The following PCCA variants were observed in gnomAD, a reference collection of about 807,000 sequenced individuals.
PCCA encodes propionyl-CoA carboxylase alpha chain, mitochondrial.
Under a neutral mutation model 101.3 loss-of-function variants are expected in PCCA, and 74 were observed. The observed-to-expected ratio is 0.73, with a 90% CI of 0.61 to 0.89. PCCA has a LOEUF of 0.89. PCCA is among the 40% of genes least tolerant of loss of function. PCCA has a pLI of 0.00. For synonymous variants in PCCA, 294 were observed against 313.6 expected (o/e 0.94, Z 0.66); for missense variants, 891 against 907.0 (o/e 0.98, Z 0.23).
chr13:100,190,102 A>G (rs978811238), intron 6 of PCCA, among the ~76,000 whole-genome samples: 2 of 152,162 alleles, frequency 1.3e-5, no homozygotes, highest in Non-Finnish European at 2.9e-5. Context: ...ATAGTTGAAA[A>G]TGTGTCATGA....
intron 7 of PCCA, among the ~76,000 whole-genome samples, chr13:100,229,535 C>T (rs1489215871): frequency 6.6e-6 from 1 of 152,236 alleles, no homozygotes; most frequent in Non-Finnish European, 1.5e-5. Context: ...TAAGTCATAG[C>T]CTGTTCCTCT....
chr13:100,386,575 G>C (rs986284633), intron 19 of PCCA, among the ~76,000 whole-genome samples: 2 of 152,172 alleles, frequency 1.3e-5, no homozygotes, highest in African/African-American at 2.4e-5. Flanking sequence ...TACAGACGTG[G>C]TTTCACTGTG....
At chr13:100,451,004 G>A (rs1377910759) in intron 21 of PCCA, among the ~76,000 whole-genome samples, 1 of 152,186 alleles carries the variant, frequency 6.6e-6, no homozygotes, top group Non-Finnish European at 1.5e-5. Context: ...AATTGTGGAG[G>A]CTTGGCAAGA....
intron 21 of PCCA, among the ~76,000 whole-genome samples, chr13:100,492,350 G>A (rs2084968083): frequency 6.6e-6 from 1 of 152,114 alleles, no homozygotes; most frequent in Admixed American, 6.5e-5. Flanking sequence ...TAGCCAGGAT[G>A]GTTTCGATCT....
intron 4 of PCCA, among the ~76,000 whole-genome samples, chr13:100,137,183 T>C (rs949320125): frequency 6.6e-6 from 1 of 152,204 alleles, no homozygotes; most frequent in Non-Finnish European, 1.5e-5. Flanking sequence ...CTGTTATTTA[T>C]TTCTAATACT....
chr13:100,198,725 C>A (rs1452793501), intron 6 of PCCA, among the ~76,000 whole-genome samples: 1 of 151,940 alleles, frequency 6.6e-6, no homozygotes, highest in East Asian at 1.9e-4. Flanking sequence ...TCTCAAACTC[C>A]TGACCTCAGG....
intron 1 of PCCA, among the ~76,000 whole-genome samples, chr13:100,101,833 C>T (rs2152246611): frequency 6.6e-6 from 1 of 152,242 alleles, no homozygotes; most frequent in East Asian, 1.9e-4. Flanking sequence ...AAACTCCTGA[C>T]CTCAGGTGAT....
At chr13:100,278,681 C>T (rs558477649) in intron 12 of PCCA, among the ~76,000 whole-genome samples, 5 of 151,992 alleles carry the variant, frequency 3.3e-5, no homozygotes, top group South Asian at 4.2e-4. Flanking sequence ...GGTTTCACCA[C>T]GTTGACCAGG....
At chr13:100,123,542 T>C (rs2049643424) in intron 4 of PCCA, among the ~76,000 whole-genome samples, 1 of 152,200 alleles carries the variant, frequency 6.6e-6, no homozygotes, top group African/African-American at 2.4e-5. Context: ...AGGACTTACA[T>C]GAGGACTTCT....
chr13:100,330,891 T>C (rs889169667), intron 17 of PCCA, among the ~76,000 whole-genome samples: 1 of 152,184 alleles, frequency 6.6e-6, no homozygotes, highest in African/African-American at 2.4e-5. Flanking sequence ...TTCAACCATG[T>C]GAATTGTTCT....
intron 21 of PCCA, among the ~76,000 whole-genome samples, chr13:100,454,812 T>G (rs1158643593): frequency 6.6e-6 from 1 of 152,218 alleles, no homozygotes; most frequent in Non-Finnish European, 1.5e-5. Context: ...TTCATTTCAT[T>G]TTTTATTCAC....
In PCCA at chr13:100,217,679, C is replaced by A. The variant is rs1487856514; in HGVS notation, c.600+8216C>A. ...ACCAGCCTGGCCAACATGGTGAAAC[C>A]CTGTCTCTACTAAAAATACAAAAAA... On this transcript the variant is annotated intron_variant, in intron 7 of 23. Coordinates refer to ENST00000376285, the MANE Select transcript of PCCA (RefSeq NM_000282.4). 4.0e-5 allele frequency among the ~76,000 whole-genome samples: 6 copies of A among 151,144 alleles called. No homozygotes were observed. In the East Asian group the frequency reaches 1.2e-3, roughly 29 times the overall value.
At chr13:100,294,560 C>T (rs1033486751) in intron 12 of PCCA, among the ~76,000 whole-genome samples, 2 of 152,072 alleles carry the variant, frequency 1.3e-5, no homozygotes, top group Non-Finnish European at 1.5e-5. Flanking sequence ...GACTTGACAC[C>T]GGTTAGTCTA....
intron 21 of PCCA, among the ~76,000 whole-genome samples, chr13:100,475,191 G>T (rs1384594185): frequency 6.6e-6 from 1 of 152,130 alleles, no homozygotes; most frequent in Non-Finnish European, 1.5e-5. Flanking sequence ...GGGATTATAG[G>T]TGCAAGCCAC....
intron 19 of PCCA, among the ~76,000 whole-genome samples, chr13:100,383,866 TAAG>T (rs753751304): frequency 1.3e-5 from 2 of 152,174 alleles, no homozygotes; most frequent in East Asian, 1.9e-4. Flanking sequence ...GGATGCATAA[TAAG>T]AAATAATTAT....
intron 21 of PCCA, among the ~76,000 whole-genome samples, chr13:100,488,634 T>A (rs2390432): frequency 1.6e-5 from 1 of 62,838 alleles, no homozygotes; most frequent in East Asian, 1.2e-3. Flanking sequence ...TTTTGTTTTG[T>A]TTTTTTTTTG....
rs780737604 is a variant in PCCA, at chr13:100,527,783, C to T, written c.2118+31C>T. On this transcript the variant is annotated intron_variant, in intron 23 of 23. Coordinates refer to ENST00000376285, the MANE Select transcript of PCCA (RefSeq NM_000282.4). ...TCCCTAAGTCCCCATCAGCCCAGGC[C>T]GGCCCTGTGATGGAGGAACGCCCAC... The T allele has an allele frequency of 3.6e-5, 55 of 1,528,542 alleles. No homozygotes were observed. In the East Asian group the frequency reaches 4.7e-4, roughly 13 times the overall value. 94.7% of individuals were successfully genotyped at this position (1,528,542 alleles called of 1,614,324 possible). A position where few individuals can be genotyped will look rare whatever the true frequency, so the allele number is the denominator to read the frequency against.
rs184079552 is a variant in PCCA, at chr13:100,364,875, A to G, written c.1644-3597A>G. Among the ~76,000 whole-genome samples the G allele has an allele frequency of 3.9e-5, 6 of 152,160 alleles. No homozygotes were observed. The East Asian group carries it at 7.7e-4, about 20-fold the overall frequency. On this transcript the variant is annotated intron_variant, in intron 18 of 23. Coordinates refer to ENST00000376285, the MANE Select transcript of PCCA (RefSeq NM_000282.4). ...AGACCAGTCTGGGCGTCATAGCGAG[A>G]TCCACCCCATCTCTTAAAAAAAAAG...
intron 7 of PCCA, among the ~76,000 whole-genome samples, chr13:100,209,676 G>C (rs932859957): frequency 6.6e-5 from 10 of 152,054 alleles, no homozygotes; most frequent in Admixed American, 1.3e-4. Context: ...TTGTCGCCCA[G>C]GCTGGAGTGC....
Sources: gnomAD v4.1 joint callset for allele counts (sites outside exome capture counted in the v4.1 genomes callset) on GRCh38, gnomAD v4.1.1 for gene constraint, MANE v1.5 for transcripts, NCBI Gene and HGNC (gene_info 2026-07-23, HGNC 2026-07-21) for gene names.